The following SKAP1 variants were observed in gnomAD, a reference collection of about 807,000 sequenced individuals.
The protein encoded by SKAP1 is src kinase associated phosphoprotein 1.
In SKAP1, 44 loss-of-function variants were observed where a neutral mutation model predicts 58.5. The ratio of observed to expected loss-of-function variants is 0.75; its 90% CI spans 0.59 to 0.97. SKAP1 has a LOEUF of 0.97. Ranked by LOEUF, SKAP1 falls within the 50% of genes least tolerant of loss-of-function variation. SKAP1 has a pLI of 0.00. For synonymous variants in SKAP1, 127 were observed against 149.7 expected (o/e 0.85, Z 1.11); for missense variants, 390 against 435.2 (o/e 0.90, Z 0.92).
At chr17:48,354,317 G>C (rs1334878474) in intron 3 of SKAP1, among the ~76,000 whole-genome samples, 1 of 152,096 alleles carries the variant, frequency 6.6e-6, no homozygotes, top group African/African-American at 2.4e-5. Context: ...CAAGAATTCA[G>C]TTCAATATTT....
chr17:48,170,805 G>C (rs895930205), intron 9 of SKAP1, 146 bp from the exon 10 acceptor site: 1 of 693,410 alleles, frequency 1.4e-6, no homozygotes, highest in African/African-American at 1.8e-5. Context: ...CCACGTCTGG[G>C]GTTCAAGGGA....
At chr17:48,155,158 C>T (rs960527434) in intron 11 of SKAP1, among the ~76,000 whole-genome samples, 26 of 151,620 alleles carry the variant, frequency 1.7e-4, no homozygotes, top group Non-Finnish European at 3.8e-4. Context: ...GATGGAGTCT[C>T]GCTCTGTCAT....
intron 2 of SKAP1, among the ~76,000 whole-genome samples, chr17:48,378,219 C>T (rs1598631640): frequency 6.6e-6 from 1 of 152,170 alleles, no homozygotes. Context: ...CTTTGACCTA[C>T]TCTCCTCAGT....
At chr17:48,406,851 C>T (rs539845690) in intron 1 of SKAP1, among the ~76,000 whole-genome samples, 1 of 152,178 alleles carries the variant, frequency 6.6e-6, no homozygotes, top group South Asian at 2.1e-4. Flanking sequence ...CGGGTGTAAG[C>T]CACTGTGCCC....
chr17:48,255,654 G>A (rs977137977), intron 4 of SKAP1, among the ~76,000 whole-genome samples: 3 of 151,960 alleles, frequency 2.0e-5, no homozygotes, highest in African/African-American at 7.3e-5. Context: ...AACGTGGCTA[G>A]AGATTATAGT....
At chr17:48,222,392 T>G (rs1481178994) in intron 4 of SKAP1, among the ~76,000 whole-genome samples, 3 of 152,312 alleles carry the variant, frequency 2.0e-5, no homozygotes, top group African/African-American at 7.2e-5. Context: ...ATGAACTGAC[T>G]TGGGTTTTTT....
chr17:48,392,953 A>G lies in SKAP1; in HGVS notation c.152+3727T>C, dbSNP rs922958749. ...ATGGCCTCCACTGAATCAAACATTT[A>G]AAAAATGCTCTACTGTTTCTCCCAA... On this transcript the variant is annotated intron_variant, in intron 2 of 12. Coordinates refer to ENST00000336915, the MANE Select transcript of SKAP1 (RefSeq NM_003726.4). Among the ~76,000 whole-genome samples the G allele has an allele frequency of 2.0e-5, 3 of 152,026 alleles. No homozygotes were observed. In the South Asian group the frequency reaches 6.2e-4, roughly 31 times the overall value.
At chr17:48,190,649 A>C (rs1299675028) in intron 4 of SKAP1, among the ~76,000 whole-genome samples, 1 of 152,156 alleles carries the variant, frequency 6.6e-6, no homozygotes, top group Non-Finnish European at 1.5e-5. Flanking sequence ...AGGGCTATGC[A>C]AGCTGAACTT....
intron 3 of SKAP1, among the ~76,000 whole-genome samples, chr17:48,347,819 T>C (rs1336377912): frequency 6.6e-6 from 1 of 151,744 alleles, no homozygotes; most frequent in African/African-American, 2.4e-5. Context: ...AATTATATTA[T>C]CAACACAATC....
chr17:48,401,312 GA>G (rs71141991), intron 1 of SKAP1, among the ~76,000 whole-genome samples: 20,436 of 143,258 alleles, frequency 0.14, 1,660 homozygotes, highest in Admixed American at 0.18. Flanking sequence ...TCTCAAAAAA[GA>G]AAAAAAAAAG....
At chr17:48,395,229 C>T (rs1038390527) in intron 2 of SKAP1, among the ~76,000 whole-genome samples, 11 of 152,050 alleles carry the variant, frequency 7.2e-5, no homozygotes, top group African/African-American at 1.9e-4. Context: ...AATGAGTTAC[C>T]GTAATTTGCC....
At chr17:48,201,458 T>C (rs556416655) in intron 4 of SKAP1, among the ~76,000 whole-genome samples, 19 of 152,198 alleles carry the variant, frequency 1.2e-4, no homozygotes, top group Admixed American at 6.5e-4. Context: ...CATGGCTCAC[T>C]GCAGCCTCCA....
intron 1 of SKAP1, among the ~76,000 whole-genome samples, chr17:48,429,189 T>C (rs1056506018): frequency 2.6e-5 from 4 of 152,240 alleles, no homozygotes; most frequent in African/African-American, 9.6e-5. Flanking sequence ...AATAGTTTCC[T>C]CCTGGGAGCC....
chr17:48,285,925 T>C (rs911345463), intron 4 of SKAP1, among the ~76,000 whole-genome samples: 12 of 152,330 alleles, frequency 7.9e-5, no homozygotes, highest in Admixed American at 5.9e-4. Flanking sequence ...AGTGTCCACA[T>C]TGATGAAATG....
chr17:48,245,635 G>A (rs2065287780), intron 4 of SKAP1, among the ~76,000 whole-genome samples: 1 of 152,098 alleles, frequency 6.6e-6, no homozygotes, highest in Admixed American at 6.5e-5. Context: ...TGTGACTTTG[G>A]GAAAGTTACT....
upstream of SKAP1, among the ~76,000 whole-genome samples, chr17:48,433,577 C>A (rs886761158): frequency 3.3e-5 from 5 of 152,076 alleles, no homozygotes; most frequent in African/African-American, 1.2e-4. Flanking sequence ...AGACAAACAA[C>A]AAAAGAATGA....
At chr17:48,206,240 T>A (rs191508555) in intron 4 of SKAP1, among the ~76,000 whole-genome samples, 5 of 152,308 alleles carry the variant, frequency 3.3e-5, no homozygotes, top group Admixed American at 3.3e-4. Context: ...AACAAGAATT[T>A]TTTTTACATT....
chr17:48,317,523 A>G (rs897456087), intron 4 of SKAP1, among the ~76,000 whole-genome samples: 1 of 152,252 alleles, frequency 6.6e-6, no homozygotes, highest in Non-Finnish European at 1.5e-5. Context: ...AGCTGGTCAT[A>G]TAAAATGTTC....
intron 4 of SKAP1, among the ~76,000 whole-genome samples, chr17:48,190,267 C>T (rs983763890): frequency 7.2e-5 from 11 of 151,932 alleles, no homozygotes; most frequent in Middle Eastern, 3.2e-3. Flanking sequence ...CCACCACGCC[C>T]GGCTAATTTT....
Sources: gnomAD v4.1 joint callset for allele counts (sites outside exome capture counted in the v4.1 genomes callset) on GRCh38, gnomAD v4.1.1 for gene constraint, MANE v1.5 for transcripts, NCBI Gene and HGNC (gene_info 2026-07-23, HGNC 2026-07-21) for gene names.